The following GOLM2 variants were observed in gnomAD, a reference collection of about 807,000 sequenced individuals.
The protein encoded by GOLM2 is golgi membrane protein 2.
In GOLM2, 26 loss-of-function variants were observed where a neutral mutation model predicts 55.9. The ratio of observed to expected loss-of-function variants is 0.47; its 90% CI spans 0.34 to 0.65. GOLM2 has a LOEUF of 0.65. GOLM2 is among the 30% of genes least tolerant of loss of function. The pLI, the probability that GOLM2 is intolerant of heterozygous loss-of-function variation, is 0.01. For missense variants in GOLM2, 486 were observed against 531.8 expected (o/e 0.91, Z 0.85); for synonymous variants, 165 against 194.6 (o/e 0.85, Z 1.27).
At chr15:44,304,512 G>A (rs183714757) in intron 1 of GOLM2, among the ~76,000 whole-genome samples, 73 of 152,162 alleles carry the variant, frequency 4.8e-4, no homozygotes, top group Middle Eastern at 6.8e-3. Context: ...AAAGTGCTGG[G>A]ACTACAGGCA....
chr15:44,312,434 C>CT (rs1169497586), intron 1 of GOLM2, among the ~76,000 whole-genome samples: 7 of 152,044 alleles, frequency 4.6e-5, no homozygotes, highest in African/African-American at 1.7e-4. Flanking sequence ...ACTGATAAAA[C>CT]TTTAACTACC....
At chr15:44,379,587 G>C in intron 6 of GOLM2, 103 bp from the exon 7 acceptor site, 1 of 676,630 alleles carries the variant, frequency 1.5e-6, no homozygotes. Flanking sequence ...AAACATCATA[G>C]AATTAGTGCA....
chr15:44,290,444 T>C (rs1382459998), intron 1 of GOLM2, among the ~76,000 whole-genome samples: 2 of 152,226 alleles, frequency 1.3e-5, no homozygotes, highest in African/African-American at 2.4e-5. Flanking sequence ...CTTCTAACTT[T>C]CCTGTTGACA....
chr15:44,350,983 A>C (rs1328003328), intron 6 of GOLM2, among the ~76,000 whole-genome samples: 2 of 152,188 alleles, frequency 1.3e-5, no homozygotes, highest in African/African-American at 4.8e-5. Context: ...ATACCTCAAC[A>C]TAATAAAAGC....
At chr15:44,406,167 A>T (rs71478328) in intron 9 of GOLM2, among the ~76,000 whole-genome samples, 3 of 152,034 alleles carry the variant, frequency 2.0e-5, no homozygotes, top group Admixed American at 6.6e-5. Context: ...TTGGGAGGCC[A>T]AGGCAGGCGG....
chr15:44,316,627 C>T (rs1055829784), intron 1 of GOLM2, among the ~76,000 whole-genome samples: 5 of 152,038 alleles, frequency 3.3e-5, no homozygotes, highest in East Asian at 3.9e-4. Flanking sequence ...TGGTGGCAGG[C>T]GCCTGTAATC....
intron 6 of GOLM2, among the ~76,000 whole-genome samples, chr15:44,357,937 A>G (rs962910761): frequency 2.0e-5 from 3 of 152,236 alleles, no homozygotes; most frequent in Non-Finnish European, 2.9e-5. Flanking sequence ...AGTTTCATGG[A>G]TAGGAAGACT....
At chr15:44,386,427 T>C (rs1415601475) in intron 8 of GOLM2, among the ~76,000 whole-genome samples, 1 of 152,222 alleles carries the variant, frequency 6.6e-6, no homozygotes, top group Non-Finnish European at 1.5e-5. Flanking sequence ...ACTGTTTTCA[T>C]TGCTATAACT....
chr15:44,333,222 G>A (rs2079034130), intron 4 of GOLM2, among the ~76,000 whole-genome samples: 1 of 152,100 alleles, frequency 6.6e-6, no homozygotes, highest in Non-Finnish European at 1.5e-5. Flanking sequence ...ATGAGCCACC[G>A]CGCACAGCCA....
intron 6 of GOLM2, among the ~76,000 whole-genome samples, chr15:44,351,625 C>T (rs994517084): frequency 7.1e-6 from 1 of 141,672 alleles, no homozygotes; most frequent in African/African-American, 2.6e-5. Flanking sequence ...ACATCAAAAT[C>T]GGAAAGGAAG....
intron 8 of GOLM2, among the ~76,000 whole-genome samples, chr15:44,398,072 T>A (rs1366487886): frequency 6.6e-6 from 1 of 152,226 alleles, no homozygotes; most frequent in African/African-American, 2.4e-5. Flanking sequence ...AGATCAGATT[T>A]CAGTTCTCAG....
intron 1 of GOLM2, among the ~76,000 whole-genome samples, chr15:44,319,946 A>T (rs2078938165): frequency 6.6e-6 from 1 of 152,196 alleles, no homozygotes; most frequent in Non-Finnish European, 1.5e-5. Context: ...CATAAAATTT[A>T]TCCTGTTCAA....
intron 6 of GOLM2, among the ~76,000 whole-genome samples, chr15:44,339,138 A>C (rs1371013300): frequency 6.6e-6 from 1 of 152,206 alleles, no homozygotes; most frequent in African/African-American, 2.4e-5. Flanking sequence ...CTGAATGTTT[A>C]GATCAAATAA....
chr15:44,327,845 T>C (rs1414358027), intron 2 of GOLM2, among the ~76,000 whole-genome samples: 1 of 152,236 alleles, frequency 6.6e-6, no homozygotes, highest in Admixed American at 6.5e-5. Flanking sequence ...ACATGATTCA[T>C]TTCCACTAAA....
chr15:44,332,000 A>C lies in GOLM2; in HGVS notation c.498A>C (p.Gly166=). 2 of 1,603,684 alleles carry C rather than the reference A, an allele frequency of 1.2e-6. No individual in the cohort carries two copies. The highest frequency in any genetic ancestry group is 1.7e-6 in the Non-Finnish European group (2 of 1,173,040). ...KRLEYESFQC[G]QQMKELRAQH... ...CTTTGTAATTTAGTTTTCAGTGTGG[A>C]CAGCAGATGAAGGAATTGAGAGCAC... The change falls in exon 4 of 10, where the codon GGA becomes GGC. Residue 166 remains glycine, a synonymous_variant. Coordinates refer to ENST00000299957, the MANE Select transcript of GOLM2 (RefSeq NM_138423.4).
chr15:44,289,316 AGGCC>A lies in GOLM2; in HGVS notation c.288_291del (p.Ala97GlufsTer29). The A allele has an allele frequency of 1.9e-6, 3 of 1,613,544 alleles. No individual in the cohort carries two copies. Among genetic ancestry groups the A allele is most frequent in the Non-Finnish European group, 2.5e-6 (3 of 1,179,826 alleles). ...TACGGCCGCCTCAGCAGCCGGCTGC[AGGCC>A]AGAGAGGGCCTCGGGAAGAGATGCG... is the stretch of plus-strand genomic sequence containing the variant. On this transcript the variant is annotated frameshift_variant, in exon 1 of 10. Transcript: ENST00000299957. LOFTEE classifies it high-confidence loss of function. This position sits in a 1 kb window ranked among gnomAD's most constrained non-coding sequence, Gnocchi z 4.8.
chr15:44,341,468 A>G (rs867921157), intron 6 of GOLM2, among the ~76,000 whole-genome samples: 1 of 152,072 alleles, frequency 6.6e-6, no homozygotes, highest in African/African-American at 2.4e-5. Context: ...GTCATAATTT[A>G]TTACCCAGCC....
At chr15:44,321,608 A>G (rs2078950363) in intron 1 of GOLM2, among the ~76,000 whole-genome samples, 1 of 152,126 alleles carries the variant, frequency 6.6e-6, no homozygotes, top group Admixed American at 6.6e-5. Context: ...ATACATTCAT[A>G]TTGTACCAAT....
At chr15:44,404,550 T>C (rs1036325726) in intron 9 of GOLM2, among the ~76,000 whole-genome samples, 1 of 152,188 alleles carries the variant, frequency 6.6e-6, no homozygotes, top group Non-Finnish European at 1.5e-5. Context: ...TCATCCTTTT[T>C]TCATAAATTT....
Sources: allele counts gnomAD v4.1 joint callset (sites outside exome capture counted in the v4.1 genomes callset), GRCh38; gene constraint gnomAD v4.1.1; non-coding constraint Gnocchi (gnomAD v3.1); transcripts MANE v1.5; gene names NCBI Gene and HGNC (gene_info 2026-07-23, HGNC 2026-07-21).